Variants in SLAIN2 observed in about 807,000 individuals in gnomAD.
SLAIN2 encodes SLAIN family member 2.
A neutral mutation model predicts 56.6 loss-of-function variants in SLAIN2; 31 were observed. The observed-to-expected ratio is 0.55, with a 90% CI of 0.41 to 0.74. The LOEUF (loss-of-function observed/expected upper bound fraction) is 0.74, where lower values mean the gene tolerates loss of function less well. Ranked by LOEUF, SLAIN2 falls within the 30% of genes least tolerant of loss-of-function variation. The pLI, the probability that SLAIN2 is intolerant of heterozygous loss-of-function variation, is 0.00. For synonymous variants in SLAIN2, 317 were observed against 284.9 expected (o/e 1.11, Z -1.13); for missense variants, 777 against 754.2 (o/e 1.03, Z -0.35).
intron 6 of SLAIN2, among the ~76,000 whole-genome samples, chr4:48,403,310 G>T (rs575965290): frequency 6.6e-6 from 1 of 151,940 alleles, no homozygotes; most frequent in South Asian, 2.1e-4. Flanking sequence ...CCAGCAGGCT[G>T]GAAAGGCTGT....
chr4:48,350,110 A>G (rs139225284), intron 1 of SLAIN2, among the ~76,000 whole-genome samples: 186 of 152,376 alleles, frequency 1.2e-3, no homozygotes, highest in African/African-American at 4.3e-3. Context: ...TAAATAAATC[A>G]TGTAGTCTGT....
chr4:48,346,230 GAC>G (rs750358668), intron 1 of SLAIN2, among the ~76,000 whole-genome samples: 61 of 152,038 alleles, frequency 4.0e-4, no homozygotes, highest in Admixed American at 1.6e-3. Flanking sequence ...GGACTTTCTA[GAC>G]ACTGCTTATT....
intron 6 of SLAIN2, among the ~76,000 whole-genome samples, chr4:48,417,871 A>G (rs1190811741): frequency 3.3e-5 from 5 of 152,186 alleles, no homozygotes; most frequent in African/African-American, 1.2e-4. Flanking sequence ...AGAGCTATCT[A>G]TGGTGTGGTA....
chr4:48,369,773 C>T (rs1715616322), intron 1 of SLAIN2, 76 bp from the exon 2 acceptor site: 5 of 1,378,954 alleles, frequency 3.6e-6, no homozygotes, highest in East Asian at 2.3e-5. Context: ...CTATTTAAAT[C>T]GATCCAAAAG....
In SLAIN2 at chr4:48,424,406, T is replaced by C. The variant is rs1456745023; in HGVS notation, c.*2329T>C. ...CTATGATTTTAACTTATGTTTGATA[T>C]ATAGTAGTAAGGGTTTTATGAATGT... On this transcript the variant is annotated 3_prime_UTR_variant, in exon 8 of 8. Transcript: ENST00000264313. 1 of 152,180 alleles carries C rather than the reference T, an allele frequency of 6.6e-6. No homozygotes were observed. The highest frequency in any genetic ancestry group is 2.4e-5 in the African/African-American group (1 of 41,462). 9.4% of individuals were successfully genotyped at this position (152,180 alleles called of 1,614,324 possible).
At chr4:48,402,899 C>T (rs562962374) in intron 6 of SLAIN2, among the ~76,000 whole-genome samples, 2 of 152,220 alleles carry the variant, frequency 1.3e-5, no homozygotes, top group East Asian at 3.9e-4. Flanking sequence ...TTGAATGGGG[C>T]TTTTGTGCGG....
At chr4:48,392,617 C>G (rs1716265146) in intron 6 of SLAIN2, among the ~76,000 whole-genome samples, 1 of 152,046 alleles carries the variant, frequency 6.6e-6, no homozygotes, top group African/African-American at 2.4e-5. Context: ...AATTGCTTTT[C>G]CCTCTATCTG....
chr4:48,409,844 A>T (rs1466681633), intron 6 of SLAIN2, among the ~76,000 whole-genome samples: 4 of 152,172 alleles, frequency 2.6e-5, no homozygotes, highest in Admixed American at 1.3e-4. Context: ...AGATCGTGCC[A>T]TTGCACTCCA....
At chr4:48,383,388 G>A (rs988632112) in intron 5 of SLAIN2, among the ~76,000 whole-genome samples, 2 of 151,794 alleles carry the variant, frequency 1.3e-5, no homozygotes, top group African/African-American at 4.8e-5. Context: ...TTGCTTTATT[G>A]TTTTATGAAG....
At chr4:48,400,440 A>G (rs1214482957) in intron 6 of SLAIN2, among the ~76,000 whole-genome samples, 1 of 124,556 alleles carries the variant, frequency 8.0e-6, no homozygotes, top group Non-Finnish European at 1.6e-5. Flanking sequence ...TCTGTCGCCC[A>G]GGCTGTAGTG....
chr4:48,391,295 T>G (rs933841164), intron 6 of SLAIN2, among the ~76,000 whole-genome samples: 2 of 152,238 alleles, frequency 1.3e-5, no homozygotes, highest in African/African-American at 4.8e-5. Context: ...GGAATCCACC[T>G]GTATCAGGGG....
chr4:48,419,210 C>T (rs976369593), intron 6 of SLAIN2, among the ~76,000 whole-genome samples: 2 of 152,090 alleles, frequency 1.3e-5, no homozygotes. Flanking sequence ...TCAAGCAGTT[C>T]TCCTGCCTCA....
chr4:48,383,684 A>G lies in SLAIN2; in HGVS notation c.1260A>G (p.Thr420=), dbSNP rs763335546. 2.5e-6 allele frequency: 4 copies of G among 1,607,630 alleles called. No homozygotes were observed. In the African/African-American group the frequency reaches 5.3e-5, roughly 21 times the overall value. The change falls in exon 6 of 8, where the codon ACA becomes ACG. Residue 420 remains threonine (T), a synonymous_variant. Transcript: ENST00000264313. ...LRRSLPNLSR[T]SNTQVDSVKS... ...GCAGTCTTCCAAACCTGTCCCGAAC[A>G]TCTAATACACAAGTTGACTCAGTGA...
chr4:48,377,925 C>A lies in SLAIN2; in HGVS notation c.568C>A (p.Pro190Thr), dbSNP rs766907938. 40 of 1,613,646 alleles carry A rather than the reference C, an allele frequency of 2.5e-5. No individual in the cohort carries two copies. Among genetic ancestry groups the A allele is most frequent in the Non-Finnish European group, 3.3e-5 (39 of 1,179,860 alleles). The change falls in exon 3 of 8, where the codon CCT (proline) becomes ACT (threonine). Residue 190 changes from proline to threonine, a missense_variant. Pro to Thr is a conservative substitution (Grantham distance 38, BLOSUM62 -1). Transcript: ENST00000264313. The stretch of plus-strand genomic sequence containing the variant: ...CAAGAGGCAGAATTTATATAATAAT[C>A]CTTTCAACTCTATGAGTTACACCAG... ...ALKRQNLYNNPFNSMSYTSPY... is the reference protein window; with the variant it reads ...ALKRQNLYNNTFNSMSYTSPY...
At position 48,345,500 on chromosome 4, in the gene SLAIN2, G is replaced by GT. The variant is rs927943933; in HGVS notation, c.389+3382dup. 5.7e-3 allele frequency among the ~76,000 whole-genome samples: 846 copies of GT among 147,654 alleles called. 11 individuals are homozygous for GT. Among genetic ancestry groups the GT allele is most frequent in the African/African-American group, 0.019 (760 of 40,356 alleles). ...GTGTGGTGGGTGTGAATCAAATGCT[G>GT]TTTTTTTTTTAACCAAATACTTCAT... is the stretch of plus-strand genomic sequence containing the variant. On this transcript the variant is annotated intron_variant, in intron 1 of 7. Coordinates refer to ENST00000264313, the MANE Select transcript of SLAIN2 (RefSeq NM_020846.2).
chr4:48,343,994 C>T (rs1714796165), intron 1 of SLAIN2, among the ~76,000 whole-genome samples: 1 of 152,202 alleles, frequency 6.6e-6, no homozygotes, highest in South Asian at 2.1e-4. Flanking sequence ...CTGCACCCAT[C>T]AGCCCATTTT....
chr4:48,341,592 TG>T lies in SLAIN2; in HGVS notation c.-142del. The T allele has an allele frequency of 4.0e-6, 5 of 1,243,504 alleles. No individual in the cohort carries two copies. Among genetic ancestry groups the T allele is most frequent in the Non-Finnish European group, 5.2e-6 (5 of 953,670 alleles). 77.0% of individuals were successfully genotyped at this position (1,243,504 alleles called of 1,614,324 possible). On this transcript the variant is annotated 5_prime_UTR_variant, in exon 1 of 8. The change abolishes the stop of an existing upstream ORF in the 5' untranslated region. Transcript: ENST00000264313. ...GCCAGCGGCGCTTTGGAACCCGAGG[TG>T]GGGGGACCCTGGCGGTGGGGCCTGG...
chr4:48,376,507 A>AT (rs1442396981), intron 2 of SLAIN2, among the ~76,000 whole-genome samples: 1 of 150,734 alleles, frequency 6.6e-6, no homozygotes, highest in Non-Finnish European at 1.5e-5. Context: ...TTAAGTGTTA[A>AT]TTTTTTAAAT....
chr4:48,420,935 A>G lies in SLAIN2; in HGVS notation c.1679+492A>G, dbSNP rs139584767. Among the ~76,000 whole-genome samples the G allele has an allele frequency of 2.1e-3, 324 of 152,296 alleles. 1 individual carries two copies. The highest frequency in any genetic ancestry group is 7.6e-3 in the African/African-American group (316 of 41,562). On this transcript the variant is annotated intron_variant, in intron 7 of 7. Transcript: ENST00000264313. Reference sequence around the variant, plus strand: ...TGTAAGTTTTACCTTCAGAGAGTCTAACTTAGTAGATCTGTTATGAGGCCC... The same window carrying G: ...TGTAAGTTTTACCTTCAGAGAGTCTGACTTAGTAGATCTGTTATGAGGCCC...
Sources: allele counts gnomAD v4.1 joint callset (sites outside exome capture counted in the v4.1 genomes callset), GRCh38; gene constraint gnomAD v4.1.1; transcripts MANE v1.5; gene names NCBI Gene and HGNC (gene_info 2026-07-23, HGNC 2026-07-21).